Variants in ZFP64 observed in about 807,000 individuals in gnomAD.
The protein encoded by ZFP64 is zinc finger protein 64.
ZFP64 carries 14 observed loss-of-function variants against 51.6 expected under a neutral mutation model. That is an observed-to-expected ratio of 0.27 (90% CI 0.18 to 0.42). ZFP64 has a LOEUF of 0.42. Among genes scored for constraint, ZFP64 ranks in the 10% least tolerant of loss-of-function variants. ZFP64 has a pLI of 1.00. For synonymous variants in ZFP64, 375 were observed against 361.4 expected (o/e 1.04, Z -0.43); for missense variants, 754 against 906.8 (o/e 0.83, Z 2.16).
At chr20:52,104,452 C>T (rs961212472) in intron 5 of ZFP64, among the ~76,000 whole-genome samples, 4 of 152,234 alleles carry the variant, frequency 2.6e-5, no homozygotes, top group African/African-American at 9.6e-5. Flanking sequence ...GACAGCATCA[C>T]TGCTCTATCC....
rs144620031 is a variant in ZFP64, at chr20:52,138,598, A to T, written c.763+21525T>A. 8.5e-5 allele frequency among the ~76,000 whole-genome samples: 13 copies of T among 152,260 alleles called. No individual in the cohort carries two copies. In the East Asian group the frequency reaches 2.5e-3, roughly 29 times the overall value. Reference sequence around the variant, plus strand: ...AGAAAAAAAGGAAAAAATGACAAAGAACGTAGAACAGCTACAAACTTTATA... The same window carrying T: ...AGAAAAAAAGGAAAAAATGACAAAGTACGTAGAACAGCTACAAACTTTATA... On this transcript the variant is annotated intron_variant, in intron 5 of 8. Coordinates refer to the ZFP64 transcript ENST00000361387.
intron 5 of ZFP64, among the ~76,000 whole-genome samples, chr20:52,130,246 C>T (rs1203378023): frequency 6.6e-6 from 1 of 152,156 alleles, no homozygotes; most frequent in Admixed American, 6.5e-5. Flanking sequence ...CAGGATCTTG[C>T]TCTATCACCT....
intron 2 of ZFP64, among the ~76,000 whole-genome samples, chr20:52,174,581 T>C (rs1983031664): frequency 1.3e-5 from 2 of 152,206 alleles, no homozygotes; most frequent in South Asian, 2.1e-4. Flanking sequence ...ACTTTTGCCA[T>C]GTTAAAACAT....
intron 7 of ZFP64, among the ~76,000 whole-genome samples, chr20:52,089,923 G>T (rs763644160): frequency 2.6e-5 from 4 of 152,000 alleles, no homozygotes; most frequent in Non-Finnish European, 5.9e-5. Flanking sequence ...CTTGTCTTTA[G>T]GTTCACTTTT....
At chr20:52,144,946 A>G (rs1980451450) in intron 5 of ZFP64, among the ~76,000 whole-genome samples, 1 of 152,242 alleles carries the variant, frequency 6.6e-6, no homozygotes, top group Non-Finnish European at 1.5e-5. Flanking sequence ...TGAACAGATC[A>G]GTAATTACAG....
intron 5 of ZFP64, among the ~76,000 whole-genome samples, chr20:52,114,286 G>A (rs562112824): frequency 1.1e-4 from 16 of 152,362 alleles, no homozygotes; most frequent in African/African-American, 3.6e-4. Context: ...TGCCTATGCT[G>A]TATTTGTCAA....
chr20:52,130,571 C>T (rs146898729), intron 5 of ZFP64, among the ~76,000 whole-genome samples: 7 of 152,200 alleles, frequency 4.6e-5, no homozygotes, highest in East Asian at 3.9e-4. Context: ...CATAAGGTCA[C>T]GATCATTTCC....
chr20:52,128,952 C>T (rs1352653437), intron 5 of ZFP64, among the ~76,000 whole-genome samples: 1 of 151,942 alleles, frequency 6.6e-6, no homozygotes, highest in African/African-American at 2.4e-5. Flanking sequence ...CTCATTCTGT[C>T]ACCCAGGCTG....
intron 5 of ZFP64, among the ~76,000 whole-genome samples, chr20:52,126,546 A>T (rs555637147): frequency 6.6e-6 from 1 of 152,334 alleles, no homozygotes; most frequent in African/African-American, 2.4e-5. Flanking sequence ...ATGCCCTATA[A>T]AGATGACTGT....
At chr20:52,117,922 C>T (rs1330933065) in intron 5 of ZFP64, among the ~76,000 whole-genome samples, 3 of 151,886 alleles carry the variant, frequency 2.0e-5, no homozygotes, top group African/African-American at 4.8e-5. Flanking sequence ...CAGCTTCCTG[C>T]GTAGCTGGAA....
chr20:52,119,596 C>T (rs1425892409), intron 5 of ZFP64, among the ~76,000 whole-genome samples: 1 of 146,528 alleles, frequency 6.8e-6, no homozygotes, highest in Non-Finnish European at 1.5e-5. Context: ...CACACACACA[C>T]ACATATAAAC....
In ZFP64 at chr20:52,085,175, C is replaced by T. The variant is rs1297020503; in HGVS notation, c.1320G>A (p.Lys440=). ...CGTCGCAGAACTCGCACTTGAAAGG[C>T]TTCTCCCCCGAGTGCACGATCATGT... Residue 440 remains lysine (K), a synonymous_variant, in exon 9 of 9, where the codon AAG becomes AAA. Coordinates refer to the ZFP64 transcript ENST00000361387. This position sits in a 1 kb window ranked among gnomAD's most constrained non-coding sequence, Gnocchi z 4.3. The T allele has an allele frequency of 1.9e-6, 3 of 1,614,234 alleles. No homozygotes were observed. Among genetic ancestry groups the T allele is most frequent in the Non-Finnish European group, 2.5e-6 (3 of 1,180,050 alleles).
At chr20:52,098,488 C>G (rs1204919731) in exon 6 of ZFP64, 1 of 1,614,148 alleles carries the variant, frequency 6.2e-7, no homozygotes, top group Admixed American at 1.7e-5. Context: ...CATTTGTTCC[C>G]TTGCCTCTGA....
At chr20:52,188,308 CTTTTTTTTTT>C (rs1164512289) in intron 1 of ZFP64, among the ~76,000 whole-genome samples, 4 of 104,242 alleles carry the variant, frequency 3.8e-5, no homozygotes, top group East Asian at 5.5e-4. Context: ...CTTTTTCTTT[CTTTTTTTTTT>C]TTTTTTTTTT....
intron 5 of ZFP64, among the ~76,000 whole-genome samples, chr20:52,102,406 C>G (rs576349205): frequency 6.6e-6 from 1 of 152,182 alleles, no homozygotes; most frequent in Admixed American, 6.5e-5. Flanking sequence ...GTCTGGGAAC[C>G]ATACTTTTGA....
At chr20:52,150,315 C>A (rs1980731454), downstream of ZFP64, among the ~76,000 whole-genome samples, 1 of 151,542 alleles carries the variant, frequency 6.6e-6, no homozygotes, top group Non-Finnish European at 1.5e-5. Flanking sequence ...TAGTAATATT[C>A]TGTTTTTCAT....
rs182452461 is a variant in ZFP64, at chr20:52,108,130, G to A, written c.764-9543C>T. On this transcript the variant is annotated intron_variant, in intron 5 of 8. Coordinates refer to the ZFP64 transcript ENST00000361387. ...TGCTCCCAGCTACTCTGGAAACTGAGGCAGGAGGAAGCTGACCCTTGGAAG... is the reference window on the plus strand; with the variant it reads ...TGCTCCCAGCTACTCTGGAAACTGAAGCAGGAGGAAGCTGACCCTTGGAAG... 3.0e-3 allele frequency among the ~76,000 whole-genome samples: 456 copies of A among 152,280 alleles called. 2 individuals carry two copies. The highest frequency in any genetic ancestry group is 0.011 in the African/African-American group (444 of 41,550).
intron 2 of ZFP64, among the ~76,000 whole-genome samples, chr20:52,176,755 C>T (rs561608900): frequency 2.6e-5 from 4 of 151,716 alleles, no homozygotes; most frequent in Non-Finnish European, 5.9e-5. Context: ...ATGATCCACC[C>T]GCCTCGGCCT....
At chr20:52,104,789 G>A (rs755561105) in intron 5 of ZFP64, 8 of 582,700 alleles carry the variant, frequency 1.4e-5, no homozygotes, top group Admixed American at 1.0e-4. Context: ...CCGAAGCCCA[G>A]TGCCAAGGAG....
Sources: gnomAD v4.1 joint callset for allele counts (sites outside exome capture counted in the v4.1 genomes callset) on GRCh38, gnomAD v4.1.1 for gene constraint, Gnocchi (gnomAD v3.1) non-coding constraint, MANE v1.5 for transcripts, NCBI Gene and HGNC (gene_info 2026-07-23, HGNC 2026-07-21) for gene names.